The following EFCAB14 variants were observed in gnomAD, a reference collection of about 807,000 sequenced individuals.
EFCAB14 encodes the protein EF-hand calcium-binding domain-containing protein 14.
EFCAB14 carries 43 observed loss-of-function variants against 56.5 expected under a neutral mutation model. The observed-to-expected ratio is 0.76, with a 90% confidence interval of 0.60 to 0.98. The LOEUF is 0.98. EFCAB14 is among the 50% of genes least tolerant of loss of function. The pLI, the probability that EFCAB14 is intolerant of heterozygous loss-of-function variation, is 0.00. For synonymous variants in EFCAB14, 235 were observed against 212.9 expected (o/e 1.10, Z -0.90); for missense variants, 538 against 580.3 (o/e 0.93, Z 0.75).
chr1:46,683,540 T>G, intron 9 of EFCAB14, 115 bp from the exon 10 acceptor site: 1 of 1,151,496 alleles, frequency 8.7e-7, no homozygotes, highest in Non-Finnish European at 1.2e-6. Context: ...AGAGAAACAT[T>G]TGAAGATAAA....
At chr1:46,691,731 A>G (rs1676995427) in intron 5 of EFCAB14, 96 bp downstream of exon 5, 1 of 759,722 alleles carries the variant, frequency 1.3e-6, no homozygotes, top group Non-Finnish European at 2.2e-6. Context: ...GAACAGATGC[A>G]TAGCAGGGCC....
intron 7 of EFCAB14, 96 bp from the exon 8 acceptor site, chr1:46,686,966 T>C: frequency 8.8e-7 from 1 of 1,135,402 alleles, no homozygotes; most frequent in South Asian, 1.3e-5. Context: ...TTCGTCAAAC[T>C]TATTTAAAGG....
chr1:46,703,555 C>CGAGA (rs1339963668), intron 3 of EFCAB14, among the ~76,000 whole-genome samples: 13 of 152,222 alleles, frequency 8.5e-5, no homozygotes, highest in Non-Finnish European at 1.6e-4. Flanking sequence ...TGAAAGAAGC[C>CGAGA]TATCTAACAC....
Position 46,675,736 on chromosome 1 carries a change from C to T in EFCAB14, c.*2725G>A, listed in dbSNP as rs1376340512. 1 of 152,224 alleles carries T rather than the reference C, an allele frequency of 6.6e-6. No homozygotes were observed. Among genetic ancestry groups the T allele is most frequent in the Non-Finnish European group, 1.5e-5 (1 of 68,046 alleles). 9.4% of individuals were successfully genotyped at this position (152,224 alleles called of 1,614,324 possible). ...TCAGGCACCTCTGCCTTTTAGATGA[C>T]ACCACAGTCATCTAGAAGTCAGGTT... is the stretch of plus-strand genomic sequence containing the variant. On this transcript the variant is annotated 3_prime_UTR_variant, in exon 11 of 11. Coordinates refer to ENST00000371933, the MANE Select transcript of EFCAB14 (RefSeq NM_014774.3).
chr1:46,712,622 A>G (rs1677326401), intron 2 of EFCAB14, among the ~76,000 whole-genome samples: 1 of 152,220 alleles, frequency 6.6e-6, no homozygotes, highest in African/African-American at 2.4e-5. Flanking sequence ...GATTTCTCAA[A>G]AAGGTATTAA....
intron 3 of EFCAB14, among the ~76,000 whole-genome samples, chr1:46,701,903 T>G (rs1557447335): frequency 6.6e-6 from 1 of 152,222 alleles, no homozygotes; most frequent in Non-Finnish European, 1.5e-5. Flanking sequence ...CTCTCTTCAG[T>G]AAAATAATGC....
rs1466326841 is a variant in EFCAB14, at chr1:46,688,462, T to C, written c.878A>G (p.Glu293Gly). Reference protein sequence around the residue: ...GYQRQNDLKLEGMNETVSNLT... With the variant: ...GYQRQNDLKLGGMNETVSNLT... ...ATTACTGACTGTCTCGTTCATTCCC[T>C]CGAGTTTAAGATCATTCTGTCTCTG... The change falls in exon 7 of 11, where the codon GAG becomes GGG. Residue 293 changes from glutamate (E) to glycine (G), a missense_variant. Transcript: ENST00000371933. 5 of 1,613,866 alleles carry C rather than the reference T, an allele frequency of 3.1e-6. No homozygotes were observed. In the South Asian group the frequency reaches 5.5e-5, roughly 18 times the overall value.
At chr1:46,706,874 C>T (rs568571151) in intron 3 of EFCAB14, among the ~76,000 whole-genome samples, 50 of 152,240 alleles carry the variant, frequency 3.3e-4, no homozygotes, top group Non-Finnish European at 5.7e-4. Flanking sequence ...GTTTCAGAAA[C>T]GTTTATGTCA....
At position 46,696,668 on chromosome 1, in the gene EFCAB14, C is replaced by A. The variant is rs771199590; in HGVS notation, c.481-19G>T. ...GAGAAATCTGAACAAAAAAGAGTAA[C>A]AAACAATGAAAACAAATGAGAATTT... is the stretch of plus-strand genomic sequence containing the variant. On this transcript the variant is annotated intron_variant, in intron 3 of 10. Coordinates refer to ENST00000371933, the MANE Select transcript of EFCAB14 (RefSeq NM_014774.3). The A allele has an allele frequency of 6.2e-7, 1 of 1,608,390 alleles. No individual in the cohort carries two copies. The highest frequency in any genetic ancestry group is 8.5e-7 in the Non-Finnish European group (1 of 1,175,298).
At chr1:46,708,684 A>G (rs1392528037) in intron 2 of EFCAB14, among the ~76,000 whole-genome samples, 1 of 152,258 alleles carries the variant, frequency 6.6e-6, no homozygotes, top group Non-Finnish European at 1.5e-5. Context: ...TTTCATAAGT[A>G]GTAAACAGTA....
intron 4 of EFCAB14, 98 bp from the exon 5 acceptor site, chr1:46,692,035 G>A: frequency 1.2e-6 from 1 of 847,048 alleles, no homozygotes. Flanking sequence ...TGAATGTTTT[G>A]ACACATAAAC....
chr1:46,700,110 A>C (rs1377143043), intron 3 of EFCAB14, among the ~76,000 whole-genome samples: 1 of 152,224 alleles, frequency 6.6e-6, no homozygotes, highest in Non-Finnish European at 1.5e-5. Flanking sequence ...CAGTCTGCTA[A>C]GCTGCTCCCA....
chr1:46,683,857 G>A (rs1225946503), intron 9 of EFCAB14, among the ~76,000 whole-genome samples: 1 of 152,188 alleles, frequency 6.6e-6, no homozygotes, highest in African/African-American at 2.4e-5. Flanking sequence ...CACAATGTTA[G>A]GACAAGACAT....
chr1:46,686,671 A>C, intron 8 of EFCAB14, 113 bp downstream of exon 8: 1 of 1,036,082 alleles, frequency 9.7e-7, no homozygotes, highest in South Asian at 1.4e-5. Flanking sequence ...TTTGTTTTGA[A>C]GTTTCAGCAC....
Position 46,708,040 on chromosome 1 carries a change from G to A in EFCAB14, c.346C>T (p.Gln116Ter), listed in dbSNP as rs1490216131. ...KEKFRTMESNQKSSFQEIPKL... is the reference protein window; with the variant it reads ...KEKFRTMESN ...GGGATTTCTTGGAATGAGCTTTTCT[G>A]ATTAGATTCCACTAAAAAGACAAAA... The change falls in exon 3 of 11, where the codon CAG (glutamine) becomes TAG (stop). Residue 116 changes from glutamine to a stop codon, truncating the protein, a stop_gained. Transcript: ENST00000371933. LOFTEE classifies it high-confidence loss of function. The A allele has an allele frequency of 6.2e-7, 1 of 1,610,914 alleles. No individual in the cohort carries two copies. Among genetic ancestry groups the A allele is most frequent in the Admixed American group, 1.7e-5 (1 of 59,798 alleles).
intron 1 of EFCAB14, among the ~76,000 whole-genome samples, chr1:46,717,458 C>T (rs1401811710): frequency 3.3e-5 from 5 of 152,264 alleles, no homozygotes; most frequent in African/African-American, 9.6e-5. Context: ...CTCATACTTC[C>T]TACAGTATAT....
At chr1:46,700,209 T>C (rs1218117439) in intron 3 of EFCAB14, among the ~76,000 whole-genome samples, 2 of 152,206 alleles carry the variant, frequency 1.3e-5, no homozygotes, top group Non-Finnish European at 2.9e-5. Flanking sequence ...AAGGAACAGA[T>C]GATCAATACA....
intron 3 of EFCAB14, among the ~76,000 whole-genome samples, chr1:46,704,293 A>G (rs1232094317): frequency 6.6e-6 from 1 of 151,912 alleles, no homozygotes; most frequent in African/African-American, 2.4e-5. Context: ...TCTATAAAAA[A>G]GAAAAAAGAG....
chr1:46,684,422 CT>C, intron 9 of EFCAB14, 68 bp downstream of exon 9: 1 of 1,293,094 alleles, frequency 7.7e-7, no homozygotes, highest in East Asian at 2.3e-5. Flanking sequence ...AACACCTTCC[CT>C]GCTCCCCATG....
Sources: gnomAD v4.1 joint callset for allele counts (sites outside exome capture counted in the v4.1 genomes callset) on GRCh38, gnomAD v4.1.1 for gene constraint, MANE v1.5 for transcripts, NCBI Gene and HGNC (gene_info 2026-07-23, HGNC 2026-07-21) for gene names.